Variants in FHIT observed in about 807,000 individuals in gnomAD.
The protein encoded by FHIT is fragile histidine triad diadenosine triphosphatase, also known as bis(5'-adenosyl)-triphosphatase.
In FHIT, 19 loss-of-function variants were observed where a neutral mutation model predicts 17.9. The ratio of observed to expected loss-of-function variants is 1.06; its 90% CI spans 0.74 to 1.56. The LOEUF (loss-of-function observed/expected upper bound fraction) is 1.56, where lower values mean the gene tolerates loss of function less well. FHIT is among the 40% of genes most tolerant of loss of function. The pLI, the probability that FHIT is intolerant of heterozygous loss-of-function variation, is 0.00. For missense variants in FHIT, 248 were observed against 189.2 expected (o/e 1.31, Z -1.82); for synonymous variants, 81 against 69.7 (o/e 1.16, Z -0.81).
Position 61,210,560 on chromosome 3 carries a change from G to A in FHIT, c.-212-9895C>T, listed in dbSNP as rs554607963. 5.0e-3 allele frequency among the ~76,000 whole-genome samples: 767 copies of A among 152,320 alleles called. 8 individuals carry two copies. The highest frequency in any genetic ancestry group is 0.018 in the African/African-American group (735 of 41,570). ...CCTTGCAGTTTGATCTCAGACTGCT[G>A]TGCTAGCAATGAGTGAGGCTCCGTG... On this transcript the variant is annotated intron_variant, in intron 1 of 9. Coordinates refer to ENST00000492590, the MANE Select transcript of FHIT (RefSeq NM_002012.4).
intron 8 of FHIT, among the ~76,000 whole-genome samples, chr3:59,899,468 C>T (rs527986104): frequency 1.3e-5 from 2 of 152,270 alleles, no homozygotes; most frequent in Admixed American, 1.3e-4. Context: ...AAATTTGGCT[C>T]CATGAGGCTT....
chr3:60,550,333 A>G (rs1266405815), intron 4 of FHIT, among the ~76,000 whole-genome samples: 1 of 70,950 alleles, frequency 1.4e-5, no homozygotes, highest in Non-Finnish European at 2.9e-5. Context: ...GGATCCTAGA[A>G]GAAGATAACA....
At chr3:61,056,464 A>G (rs2034225767) in intron 2 of FHIT, among the ~76,000 whole-genome samples, 1 of 152,202 alleles carries the variant, frequency 6.6e-6, no homozygotes, top group South Asian at 2.1e-4. Flanking sequence ...CAAACAAACA[A>G]CAATGCCAGG....
intron 5 of FHIT, among the ~76,000 whole-genome samples, chr3:60,396,631 A>G (rs942217061): frequency 1.3e-5 from 2 of 152,170 alleles, no homozygotes; most frequent in Non-Finnish European, 2.9e-5. Flanking sequence ...AATGCTTATC[A>G]TGGGCTGGAG....
chr3:60,471,851 C>G (rs11710814), intron 5 of FHIT, among the ~76,000 whole-genome samples: 7,653 of 152,090 alleles, frequency 0.05, 255 homozygotes, highest in Middle Eastern at 0.1. Context: ...AAAGCCTTCA[C>G]GCTAAGCATG....
intron 4 of FHIT, among the ~76,000 whole-genome samples, chr3:60,637,270 T>G (rs72872756): frequency 0.011 from 1,659 of 152,312 alleles, 37 homozygotes; most frequent in African/African-American, 0.038. Context: ...CTTGGAATTT[T>G]AGTAGAAGTT....
chr3:60,989,051 G>A (rs1002313427), intron 3 of FHIT, among the ~76,000 whole-genome samples: 2 of 150,106 alleles, frequency 1.3e-5, no homozygotes, highest in Admixed American at 6.7e-5. Flanking sequence ...TACACCTATA[G>A]TGTTGGAAGG....
In FHIT at chr3:61,185,231, A is replaced by G. The variant is rs369109235; in HGVS notation, c.-164+15386T>C. On this transcript the variant is annotated intron_variant, in intron 2 of 9. Coordinates refer to ENST00000492590, the MANE Select transcript of FHIT (RefSeq NM_002012.4). ...ATTTGGCATGCTTGCAATTTGCTTT[A>G]TCAGGAGAAGCAAGCACAGACTGCA... Among the ~76,000 whole-genome samples the G allele has an allele frequency of 2.6e-5, 4 of 152,310 alleles. No homozygotes were observed. The East Asian group carries it at 5.8e-4, about 22-fold the overall frequency.
chr3:60,300,791 A>G (rs1708429575), intron 5 of FHIT, among the ~76,000 whole-genome samples: 1 of 152,046 alleles, frequency 6.6e-6, no homozygotes, highest in African/African-American at 2.4e-5. Context: ...GGCATTTTGG[A>G]TACCTCTGAC....
rs563026852 is a variant in FHIT at position 60,596,549 on chromosome 3, C to T, written c.-17-59570G>A. ...ATCTCCAAAACAGACAAGATTGAGG[C>T]TCCCGTTTGCTGTTCTTGGTGTTTG... On this transcript the variant is annotated intron_variant, in intron 4 of 9. Transcript: ENST00000492590. 4.6e-5 allele frequency among the ~76,000 whole-genome samples: 7 copies of T among 152,270 alleles called. No individual in the cohort carries two copies. In the South Asian group the frequency reaches 8.3e-4, roughly 18 times the overall value.
At chr3:60,379,749 A>C (rs1173358912) in intron 5 of FHIT, among the ~76,000 whole-genome samples, 1 of 152,208 alleles carries the variant, frequency 6.6e-6, no homozygotes, top group Non-Finnish European at 1.5e-5. Flanking sequence ...TTTTGAAAAA[A>C]GGAGATACCT....
chr3:61,164,630 A>G (rs62268795), intron 2 of FHIT, among the ~76,000 whole-genome samples: 2 of 7,294 alleles, frequency 2.7e-4, no homozygotes, highest in Non-Finnish European at 9.8e-4. Context: ...ATGTGGTAAG[A>G]ATTTTTTTTT....
intron 8 of FHIT, among the ~76,000 whole-genome samples, chr3:59,825,413 T>G (rs1338760042): frequency 6.6e-6 from 1 of 152,204 alleles, no homozygotes; most frequent in African/African-American, 2.4e-5. Flanking sequence ...TCTAGAGGGA[T>G]AGTTGAGTTC....
chr3:60,156,021 T>C (rs2107347186), intron 5 of FHIT, among the ~76,000 whole-genome samples: 1 of 152,292 alleles, frequency 6.6e-6, no homozygotes, highest in East Asian at 1.9e-4. Context: ...CATTGCAAGA[T>C]TGGAACTGTT....
chr3:60,441,588 G>A (rs1017880592), intron 5 of FHIT, among the ~76,000 whole-genome samples: 1 of 150,442 alleles, frequency 6.6e-6, no homozygotes, highest in African/African-American at 2.4e-5. Flanking sequence ...CACACCTTTA[G>A]AAAGAGTCAC....
At chr3:60,544,499 A>G (rs1314694180) in intron 4 of FHIT, among the ~76,000 whole-genome samples, 1 of 151,932 alleles carries the variant, frequency 6.6e-6, no homozygotes, top group African/African-American at 2.4e-5. Flanking sequence ...GATTAATTCA[A>G]CTCCGTCACA....
chr3:60,361,778 TCTC>T (rs1410645041), intron 5 of FHIT, among the ~76,000 whole-genome samples: 1 of 152,058 alleles, frequency 6.6e-6, no homozygotes, highest in African/African-American at 2.4e-5. Flanking sequence ...TTACCATATC[TCTC>T]CTGACTCGTA....
intron 7 of FHIT, among the ~76,000 whole-genome samples, chr3:59,973,626 T>A (rs1233135451): frequency 1.3e-5 from 2 of 152,122 alleles, no homozygotes; most frequent in African/African-American, 2.4e-5. Context: ...TTTTATTAAT[T>A]TCCTGCTATC....
rs1178397208 is a variant in FHIT, at chr3:60,571,349, A to T, written c.-17-34370T>A. Among the ~76,000 whole-genome samples the T allele has an allele frequency of 1.1e-4, 16 of 149,510 alleles. No homozygotes were observed. In the South Asian group the frequency reaches 3.0e-3, roughly 28 times the overall value. ...AGACTCCATCGCAAAAAAAAAAAAA[A>T]AAAAAAAAAAAAAAGAACAATGAAT... On this transcript the variant is annotated intron_variant, in intron 4 of 9. Coordinates refer to ENST00000492590, the MANE Select transcript of FHIT (RefSeq NM_002012.4).
Sources: allele counts gnomAD v4.1 joint callset (sites outside exome capture counted in the v4.1 genomes callset), GRCh38; gene constraint gnomAD v4.1.1; transcripts MANE v1.5; gene names NCBI Gene and HGNC (gene_info 2026-07-23, HGNC 2026-07-21).